Variants in XRCC5 observed in about 807,000 individuals in gnomAD.
The protein encoded by XRCC5 is X-ray repair cross complementing 5.
In XRCC5, 12 loss-of-function variants were observed where a neutral mutation model predicts 95.7. The ratio of observed to expected loss-of-function variants is 0.13; its 90% CI spans 0.08 to 0.20. The LOEUF (loss-of-function observed/expected upper bound fraction) is 0.20. Ranked by LOEUF, XRCC5 falls within the 10% of genes least tolerant of loss-of-function variation. The pLI is 1.00. For synonymous variants in XRCC5, 281 were observed against 290.3 expected (o/e 0.97, Z 0.33); for missense variants, 595 against 873.9 (o/e 0.68, Z 4.02).
intron 18 of XRCC5, 110 bp from the exon 19 acceptor site, chr2:216,194,809 T>TA (rs1291406888): frequency 7.5e-5 from 78 of 1,043,520 alleles, no homozygotes; most frequent in African/African-American, 1.3e-4. Flanking sequence ...TGTCTCTATT[T>TA]AAAAAAAAGA....
chr2:216,148,342 C>G, intron 14 of XRCC5, 66 bp downstream of exon 14: 2 of 1,462,142 alleles, frequency 1.4e-6, no homozygotes, highest in Non-Finnish European at 1.8e-6. Flanking sequence ...TTTAGAGTGG[C>G]TCTGGAAGTG....
intron 13 of XRCC5, among the ~76,000 whole-genome samples, chr2:216,142,609 T>C (rs1249488499): frequency 6.6e-6 from 1 of 152,146 alleles, no homozygotes; most frequent in Non-Finnish European, 1.5e-5. Context: ...AAAAAAATTA[T>C]ATAAGCAGCT....
Position 216,183,389 on chromosome 2 carries a change from A to C in XRCC5, c.1835-6836A>C, listed in dbSNP as rs535248873. Among the ~76,000 whole-genome samples the C allele has an allele frequency of 3.3e-5, 5 of 152,330 alleles. No individual in the cohort carries two copies. The South Asian group carries it at 1.0e-3, about 32-fold the overall frequency. On this transcript the variant is annotated intron_variant, in intron 16 of 20. Transcript: ENST00000392132. ...AGCAGGACTTACTTTTATTAGTGCA[A>C]TTTGTAAGAAATTACTGCACTTAAT...
At chr2:216,127,838 G>A (rs1696921468) in intron 8 of XRCC5, 164 bp downstream of exon 8, 2 of 721,728 alleles carry the variant, frequency 2.8e-6, no homozygotes, top group Non-Finnish European at 4.1e-6. Flanking sequence ...TAGCTCATTT[G>A]TTGGGTCTTA....
At chr2:216,132,433 G>C in intron 10 of XRCC5, 46 bp downstream of exon 10, 1 of 1,592,418 alleles carries the variant, frequency 6.3e-7, no homozygotes, top group Non-Finnish European at 8.6e-7. Context: ...GAATTGAATT[G>C]TAAGTCTATG....
intron 14 of XRCC5, chr2:216,156,467 C>A (rs1162541432): frequency 1.0e-5 from 7 of 681,910 alleles, no homozygotes; most frequent in Non-Finnish European, 1.4e-5. Flanking sequence ...CTGGTCAGAT[C>A]TACATAAGCC....
At chr2:216,197,039 T>A (rs1477740351) in intron 19 of XRCC5, among the ~76,000 whole-genome samples, 1 of 152,196 alleles carries the variant, frequency 6.6e-6, no homozygotes, top group Non-Finnish European at 1.5e-5. Flanking sequence ...TAAAAAAGCT[T>A]GTGTTTCCTG....
chr2:216,153,724 A>G (rs1688791821), intron 14 of XRCC5, among the ~76,000 whole-genome samples: 1 of 152,240 alleles, frequency 6.6e-6, no homozygotes, highest in Non-Finnish European at 1.5e-5. Flanking sequence ...ATTTAAGTGT[A>G]GGCAGTCTGA....
intron 19 of XRCC5, among the ~76,000 whole-genome samples, chr2:216,198,385 AG>A (rs925853020): frequency 2.6e-5 from 4 of 152,156 alleles, no homozygotes; most frequent in African/African-American, 9.7e-5. Context: ...TATATCTGTC[AG>A]TTCTCATTAG....
chr2:216,122,481 A>G (rs41299768), intron 6 of XRCC5, among the ~76,000 whole-genome samples: 51 of 152,312 alleles, frequency 3.3e-4, no homozygotes, highest in African/African-American at 1.1e-3. Flanking sequence ...GTGTCAGTGA[A>G]GTTCAGGAAT....
At chr2:216,153,596 G>A (rs1574468686) in intron 14 of XRCC5, among the ~76,000 whole-genome samples, 1 of 152,154 alleles carries the variant, frequency 6.6e-6, no homozygotes, top group African/African-American at 2.4e-5. Flanking sequence ...TTGGACCCAC[G>A]TTGCCATCCT....
Position 216,190,268 on chromosome 2 carries a change from T to C in XRCC5, c.1878T>C (p.Thr626=). The change falls in exon 17 of 21, where the codon ACT becomes ACC. Residue 626 remains threonine (T), a synonymous_variant. Coordinates refer to ENST00000392132, the MANE Select transcript of XRCC5 (RefSeq NM_021141.4). ...LINHIEQFLD[T]NETPYFMKSI... is the part of the protein sequence containing the mutation. Reference sequence around the variant, plus strand: ...ATCACATCGAACAGTTTTTGGATACTAATGAAACACCGTATTTTATGAAGA... The same window carrying C: ...ATCACATCGAACAGTTTTTGGATACCAATGAAACACCGTATTTTATGAAGA... The C allele has an allele frequency of 6.2e-7, 1 of 1,614,056 alleles. No homozygotes were observed. The highest frequency in any genetic ancestry group is 8.5e-7 in the Non-Finnish European group (1 of 1,179,956).
chr2:216,123,801 G>C (rs1986200), intron 6 of XRCC5, among the ~76,000 whole-genome samples: 2 of 152,104 alleles, frequency 1.3e-5, no homozygotes, highest in East Asian at 1.9e-4. Flanking sequence ...GCGAGACTCC[G>C]TCTCAAAAAG....
In XRCC5 at chr2:216,160,675, A is replaced by T. The variant is rs544372132; in HGVS notation, c.1764+514A>T. Among the ~76,000 whole-genome samples, 83 of 151,958 alleles carry T rather than the reference A, an allele frequency of 5.5e-4. 1 individual carries two copies. Among genetic ancestry groups the T allele is most frequent in the African/African-American group, 1.9e-3 (80 of 41,448 alleles). ...TTGAAAATACTACCTTAATTAATTA[A>T]TTAATTAATTAATTAATTTTTATAT... On this transcript the variant is annotated intron_variant, in intron 15 of 20. Coordinates refer to ENST00000392132, the MANE Select transcript of XRCC5 (RefSeq NM_021141.4).
At chr2:216,204,093 C>CT (rs1476746546) in intron 19 of XRCC5, 14 of 535,544 alleles carry the variant, frequency 2.6e-5, no homozygotes, top group African/African-American at 1.7e-4. Flanking sequence ...TTCGTGAGCA[C>CT]TTTCTCTGGT....
intron 16 of XRCC5, among the ~76,000 whole-genome samples, chr2:216,189,715 C>G (rs1055043820): frequency 6.6e-6 from 1 of 152,142 alleles, no homozygotes; most frequent in Non-Finnish European, 1.5e-5. Flanking sequence ...TAGGGCTGAT[C>G]TTTTCTAATT....
intron 16 of XRCC5, among the ~76,000 whole-genome samples, chr2:216,187,049 T>C (rs140596615): frequency 2.5e-3 from 384 of 152,324 alleles, no homozygotes; most frequent in African/African-American, 8.6e-3. Flanking sequence ...TGGTTCGTTA[T>C]AGTCAGTGAA....
chr2:216,109,377 G>C lies in XRCC5; in HGVS notation c.-60G>C. The C allele has an allele frequency of 6.2e-7, 1 of 1,612,720 alleles. No homozygotes were observed. Among genetic ancestry groups the C allele is most frequent in the Non-Finnish European group, 8.5e-7 (1 of 1,179,258 alleles). ...TCTGCCGCTTGTCCACCGGAAGCGA[G>C]TTGCGACACGGCAGGTTCCCGCCCG... On this transcript the variant is annotated 5_prime_UTR_variant, in exon 1 of 21. Transcript: ENST00000392132.
rs3218738 is a variant in XRCC5, at chr2:216,132,308, C to A, written c.1051-17C>A. ...TACTTATTTTGGATCAAAAGCAATTCTTTTCCTCTCTTGTAGGTTCAGAGA... is the reference window on the plus strand; with the variant it reads ...TACTTATTTTGGATCAAAAGCAATTATTTTCCTCTCTTGTAGGTTCAGAGA... On this transcript the variant is annotated splice_polypyrimidine_tract_variant and intron_variant, in intron 9 of 20. Transcript: ENST00000392132. 3.1e-6 allele frequency: 5 copies of A among 1,612,834 alleles called. No individual in the cohort carries two copies. The highest frequency in any genetic ancestry group is 3.3e-5 in the Admixed American group (2 of 59,952).
Sources: gnomAD v4.1 joint callset for allele counts (sites outside exome capture counted in the v4.1 genomes callset) on GRCh38, gnomAD v4.1.1 for gene constraint, MANE v1.5 for transcripts, NCBI Gene and HGNC (gene_info 2026-07-23, HGNC 2026-07-21) for gene names.